GRID2: variants seen among roughly 807,000 people sequenced by gnomAD.
GRID2 encodes glutamate receptor ionotropic, delta-2.
Under a neutral mutation model 114.8 loss-of-function variants are expected in GRID2, and 33 were observed. The observed-to-expected ratio is 0.29, with a 90% CI of 0.22 to 0.38. The LOEUF is 0.38. Ranked by LOEUF, GRID2 falls within the 10% of genes least tolerant of loss-of-function variation. GRID2 has a pLI of 1.00. For synonymous variants in GRID2, 505 were observed against 449.9 expected (o/e 1.12, Z -1.55); for missense variants, 1,184 against 1,257.7 (o/e 0.94, Z 0.89).
rs2149108589 is a variant in GRID2, at chr4:92,485,362, T to TA, written c.89-104769_89-104768insA. ...TATATATATATAGTGTGTGTGTGTG[T>TA]GTGTGTGAGTGTATGTGTGTGTATA... On this transcript the variant is annotated intron_variant, in intron 1 of 15. Transcript: ENST00000282020. 3.5e-5 allele frequency among the ~76,000 whole-genome samples: 5 copies of TA among 142,380 alleles called. No homozygotes were observed. The South Asian group carries it at 1.1e-3, about 32-fold the overall frequency. 93.4% of individuals were successfully genotyped at this position (142,380 alleles called of 152,430 possible).
intron 2 of GRID2, among the ~76,000 whole-genome samples, chr4:92,764,725 T>C (rs1389734922): frequency 1.3e-5 from 2 of 152,232 alleles, no homozygotes; most frequent in Non-Finnish European, 2.9e-5. Flanking sequence ...ATCCATGTCT[T>C]CTTTTCCCAT....
intron 10 of GRID2, among the ~76,000 whole-genome samples, chr4:93,454,812 G>T (rs1005195704): frequency 1.3e-5 from 2 of 152,142 alleles, no homozygotes; most frequent in Admixed American, 1.3e-4. Flanking sequence ...TTGTCTGGAA[G>T]GGTCATCCTG....
intron 1 of GRID2, among the ~76,000 whole-genome samples, chr4:92,311,459 A>G (rs1164645569): frequency 3.9e-5 from 6 of 152,104 alleles, no homozygotes; most frequent in African/African-American, 1.4e-4. Flanking sequence ...AGGCCTACTT[A>G]TGGTCTTAAA....
chr4:92,994,865 A>C (rs1039544471), intron 2 of GRID2, among the ~76,000 whole-genome samples: 1 of 152,120 alleles, frequency 6.6e-6, no homozygotes, highest in Admixed American at 6.6e-5. Flanking sequence ...CCTATGCTAC[A>C]GTGTATGTTG....
chr4:93,625,637 C>G (rs1308090685), intron 13 of GRID2, among the ~76,000 whole-genome samples: 1 of 152,124 alleles, frequency 6.6e-6, no homozygotes, highest in Non-Finnish European at 1.5e-5. Flanking sequence ...TACAGTGGGC[C>G]GGGCGCGGTG....
At chr4:92,568,633 T>C (rs1206151593) in intron 1 of GRID2, among the ~76,000 whole-genome samples, 2 of 151,986 alleles carry the variant, frequency 1.3e-5, no homozygotes, top group Non-Finnish European at 2.9e-5. Context: ...GGTAAACTTG[T>C]GTCATGAGGG....
chr4:92,350,094 C>T (rs1218895267), intron 1 of GRID2, among the ~76,000 whole-genome samples: 1 of 151,944 alleles, frequency 6.6e-6, no homozygotes, highest in Non-Finnish European at 1.5e-5. Flanking sequence ...GTGCTCACAA[C>T]CTTTTCATTT....
At chr4:92,696,786 T>TGTC (rs1734443523) in intron 2 of GRID2, among the ~76,000 whole-genome samples, 5 of 152,132 alleles carry the variant, frequency 3.3e-5, no homozygotes, top group Non-Finnish European at 5.9e-5. Flanking sequence ...GAAAGAGACA[T>TGTC]TAATGTGTGT....
intron 11 of GRID2, among the ~76,000 whole-genome samples, chr4:93,488,406 T>C (rs1313814911): frequency 6.6e-6 from 1 of 151,890 alleles, no homozygotes; most frequent in African/African-American, 2.4e-5. Context: ...GCTTAGAATA[T>C]AACCAAAGGG....
chr4:92,359,245 C>G (rs192568443), intron 1 of GRID2, among the ~76,000 whole-genome samples: 2 of 152,018 alleles, frequency 1.3e-5, no homozygotes, highest in East Asian at 3.9e-4. Flanking sequence ...CCAAAGCATG[C>G]TTCCTTCCAT....
At position 92,529,989 on chromosome 4, in the gene GRID2, A is replaced by G. The variant is rs1487968784; in HGVS notation, c.89-60142A>G. On this transcript the variant is annotated intron_variant, in intron 1 of 15. Transcript: ENST00000282020. ...TGATATACTTTGAGTTGGCAACTGT[A>G]TGGAGTATATGTATAGAGTGTGAAG... Among the ~76,000 whole-genome samples the G allele has an allele frequency of 2.0e-5, 3 of 152,184 alleles. No homozygotes were observed. In the South Asian group the frequency reaches 6.2e-4, roughly 32 times the overall value.
At chr4:92,676,274 G>A (rs903100258) in intron 2 of GRID2, among the ~76,000 whole-genome samples, 10 of 147,206 alleles carry the variant, frequency 6.8e-5, no homozygotes, top group Non-Finnish European at 6.0e-5. Flanking sequence ...CCGCCTCCCG[G>A]GTTCATGCCC....
chr4:93,569,749 T>A (rs1317740093), intron 13 of GRID2, among the ~76,000 whole-genome samples: 1 of 152,130 alleles, frequency 6.6e-6, no homozygotes, highest in Non-Finnish European at 1.5e-5. Context: ...TTTTCTTCCA[T>A]GTGTATTTCA....
chr4:92,864,779 A>T (rs1744750851), intron 2 of GRID2, among the ~76,000 whole-genome samples: 1 of 152,218 alleles, frequency 6.6e-6, no homozygotes, highest in Non-Finnish European at 1.5e-5. Flanking sequence ...GACTACTGTG[A>T]AGATAATGGT....
chr4:93,220,474 C>A (rs911745084), intron 6 of GRID2, among the ~76,000 whole-genome samples: 1 of 152,126 alleles, frequency 6.6e-6, no homozygotes, highest in Non-Finnish European at 1.5e-5. Context: ...ATTTAAGTCT[C>A]ATTATTACCT....
At chr4:93,593,861 T>C (rs1298165197) in intron 13 of GRID2, among the ~76,000 whole-genome samples, 1 of 152,126 alleles carries the variant, frequency 6.6e-6, no homozygotes, top group Non-Finnish European at 1.5e-5. Context: ...TCCTGAGGCT[T>C]CTGCATTCTT....
intron 2 of GRID2, among the ~76,000 whole-genome samples, chr4:92,749,359 G>C (rs1399113903): frequency 1.4e-5 from 2 of 142,680 alleles, no homozygotes; most frequent in East Asian, 4.2e-4. Context: ...CTGTCGCCCA[G>C]GCTGGAGTGC....
intron 4 of GRID2, among the ~76,000 whole-genome samples, chr4:93,120,384 G>A (rs1192489425): frequency 6.6e-6 from 1 of 152,092 alleles, no homozygotes; most frequent in Non-Finnish European, 1.5e-5. Flanking sequence ...AGAAAGTGTG[G>A]CACATATACA....
intron 2 of GRID2, among the ~76,000 whole-genome samples, chr4:93,083,758 A>G (rs1018976447): frequency 6.6e-6 from 1 of 151,956 alleles, no homozygotes; most frequent in Non-Finnish European, 1.5e-5. Flanking sequence ...AAATCAGTAT[A>G]ATCTCTTTCA....
Sources: allele counts gnomAD v4.1 joint callset (sites outside exome capture counted in the v4.1 genomes callset), GRCh38; gene constraint gnomAD v4.1.1; transcripts MANE v1.5; gene names NCBI Gene and HGNC (gene_info 2026-07-23, HGNC 2026-07-21).